The following NAALADL2 variants were observed in gnomAD, a reference collection of about 807,000 sequenced individuals.
The protein encoded by NAALADL2 is inactive N-acetylated-alpha-linked acidic dipeptidase-like protein 2.
NAALADL2 carries 76 observed loss-of-function variants against 87.2 expected under a neutral mutation model. The ratio of observed to expected loss-of-function variants is 0.87; its 90% CI spans 0.72 to 1.05. NAALADL2 has a LOEUF of 1.05. NAALADL2 is among the 50% of genes least tolerant of loss of function. The pLI is 0.00. For missense variants in NAALADL2, 1,089 were observed against 945.8 expected (o/e 1.15, Z -1.99); for synonymous variants, 354 against 331.0 (o/e 1.07, Z -0.75).
rs1475375644 is a variant in NAALADL2, at chr3:175,085,007, AG to A, written c.44-11782del. ...CTCCAAGGGCGCTATACACTGATGG[AG>A]CCTATGGGAAAAGGTCATACTACAA... On this transcript the variant is annotated intron_variant, in intron 1 of 13. Coordinates refer to ENST00000454872, the MANE Select transcript of NAALADL2 (RefSeq NM_207015.3). Among the ~76,000 whole-genome samples, 3 of 152,240 alleles carry A rather than the reference AG, an allele frequency of 2.0e-5. No individual in the cohort carries two copies. In the East Asian group the frequency reaches 5.8e-4, roughly 29 times the overall value.
chr3:175,370,464 A>C (rs2148946411), intron 5 of NAALADL2, among the ~76,000 whole-genome samples: 1 of 151,984 alleles, frequency 6.6e-6, no homozygotes, highest in Middle Eastern at 3.4e-3. Context: ...GTAATGGTTA[A>C]AAAATGACTA....
chr3:174,910,399 A>T (rs1733545848), intron 1 of NAALADL2, among the ~76,000 whole-genome samples: 1 of 152,056 alleles, frequency 6.6e-6, no homozygotes, highest in South Asian at 2.1e-4. Context: ...TTAATAAAAA[A>T]TTTTCCAGTT....
At chr3:174,827,273 A>G (rs1423926209) in intron 3 of NAALADL2, among the ~76,000 whole-genome samples, 1 of 152,210 alleles carries the variant, frequency 6.6e-6, no homozygotes, top group African/African-American at 2.4e-5. Context: ...GGTGGCTTAA[A>G]GCAAAACAAA....
At position 175,332,813 on chromosome 3, in the gene NAALADL2, A is replaced by C. The variant is rs187424237; in HGVS notation, c.1090+8488A>C. Among the ~76,000 whole-genome samples the C allele has an allele frequency of 1.7e-3, 263 of 152,184 alleles. 1 individual carries two copies. Among genetic ancestry groups the C allele is most frequent in the South Asian group, 5.8e-3 (28 of 4,824 alleles). On this transcript the variant is annotated intron_variant, in intron 5 of 13. Coordinates refer to ENST00000454872, the MANE Select transcript of NAALADL2 (RefSeq NM_207015.3). ...TTCTGTCTAGATTATCTGTTTTTTG[A>C]GAGTGAGGTGTTGAAGTCCCCAACT...
At chr3:175,794,743 T>A (rs1026720623) in intron 13 of NAALADL2, among the ~76,000 whole-genome samples, 1 of 152,214 alleles carries the variant, frequency 6.6e-6, no homozygotes, top group Non-Finnish European at 1.5e-5. Context: ...ACAGACACTT[T>A]TATCTATTTC....
At chr3:175,040,027 A>T (rs563940744) in intron 1 of NAALADL2, among the ~76,000 whole-genome samples, 1 of 152,300 alleles carries the variant, frequency 6.6e-6, no homozygotes, top group South Asian at 2.1e-4. Flanking sequence ...GCGCACAGGC[A>T]TATGTGCACA....
intron 13 of NAALADL2, among the ~76,000 whole-genome samples, chr3:175,797,790 T>G (rs918173866): frequency 5.9e-5 from 9 of 152,086 alleles, no homozygotes; most frequent in African/African-American, 2.2e-4. Context: ...AATTAGAAGC[T>G]TCCATAAGAG....
At chr3:174,776,509 C>A (rs899534434) in intron 3 of NAALADL2, among the ~76,000 whole-genome samples, 4 of 152,006 alleles carry the variant, frequency 2.6e-5, no homozygotes, top group Non-Finnish European at 4.4e-5. Context: ...CTGGGTGGTG[C>A]CTGAAACCTT....
At chr3:174,735,534 A>G (rs1480491116) in intron 2 of NAALADL2, among the ~76,000 whole-genome samples, 1 of 151,800 alleles carries the variant, frequency 6.6e-6, no homozygotes, top group African/African-American at 2.4e-5. Flanking sequence ...ACTTCCTTCC[A>G]GTTACGTATT....
At chr3:175,584,188 C>A (rs1275394200) in intron 10 of NAALADL2, among the ~76,000 whole-genome samples, 2 of 152,052 alleles carry the variant, frequency 1.3e-5, no homozygotes, top group Non-Finnish European at 2.9e-5. Flanking sequence ...CAGGCATGCA[C>A]CACCATGCCC....
intron 2 of NAALADL2, among the ~76,000 whole-genome samples, chr3:174,583,476 A>C (rs184146241): frequency 6.6e-6 from 1 of 152,198 alleles, no homozygotes; most frequent in Non-Finnish European, 1.5e-5. Context: ...ACAGTGTCAA[A>C]TTTGCTATTG....
intron 13 of NAALADL2, among the ~76,000 whole-genome samples, chr3:175,795,683 A>C (rs993506060): frequency 1.3e-5 from 2 of 150,970 alleles, no homozygotes; most frequent in African/African-American, 4.9e-5. Flanking sequence ...ACTCTGTCTC[A>C]AAAAATAAAA....
At chr3:175,133,042 A>T (rs1328485038) in intron 2 of NAALADL2, among the ~76,000 whole-genome samples, 6 of 146,242 alleles carry the variant, frequency 4.1e-5, no homozygotes, top group Admixed American at 1.3e-4. Context: ...CCCACATCCC[A>T]GACGGGGCGG....
At chr3:175,079,088 A>G (rs1295148997) in intron 1 of NAALADL2, among the ~76,000 whole-genome samples, 2 of 152,076 alleles carry the variant, frequency 1.3e-5, no homozygotes, top group African/African-American at 4.8e-5. Flanking sequence ...ATCCTTTCCA[A>G]CACTTATCAT....
intron 1 of NAALADL2, among the ~76,000 whole-genome samples, chr3:174,868,307 A>G (rs1009287035): frequency 1.3e-5 from 2 of 152,102 alleles, no homozygotes; most frequent in Non-Finnish European, 2.9e-5. Context: ...GCTGCCTTTG[A>G]TGAATTCTCA....
intron 2 of NAALADL2, among the ~76,000 whole-genome samples, chr3:175,110,088 T>G (rs1325527922): frequency 6.6e-6 from 1 of 151,892 alleles, no homozygotes; most frequent in Non-Finnish European, 1.5e-5. Context: ...TTTCAGTTAT[T>G]GTGTTTTGGG....
chr3:174,557,212 C>T (rs6802430), intron 2 of NAALADL2, among the ~76,000 whole-genome samples: 6,117 of 152,028 alleles, frequency 0.04, 378 homozygotes, highest in African/African-American at 0.13. Context: ...AATAAAAACT[C>T]GATTTTCTTA....
intron 9 of NAALADL2, among the ~76,000 whole-genome samples, chr3:175,483,853 G>A (rs1726863903): frequency 6.6e-6 from 1 of 152,118 alleles, no homozygotes; most frequent in Non-Finnish European, 1.5e-5. Context: ...CTAATATTTA[G>A]TGAGCATGTG....
rs539739191 is a variant in NAALADL2 at position 175,753,523 on chromosome 3, A to G, written c.1991-1697A>G. 6.8e-4 allele frequency among the ~76,000 whole-genome samples: 104 copies of G among 152,286 alleles called. 1 individual carries two copies. Among genetic ancestry groups the G allele is most frequent in the Non-Finnish European group, 1.3e-3 (88 of 68,024 alleles). ...CCATCAAATGAAGGTGAGAATAAAA[A>G]ATTATCATTTTAGAGGTTGGCAATT... On this transcript the variant is annotated intron_variant, in intron 12 of 13. Coordinates refer to ENST00000454872, the MANE Select transcript of NAALADL2 (RefSeq NM_207015.3).
Sources: gnomAD v4.1 joint callset for allele counts (sites outside exome capture counted in the v4.1 genomes callset) on GRCh38, gnomAD v4.1.1 for gene constraint, MANE v1.5 for transcripts, NCBI Gene and HGNC (gene_info 2026-07-23, HGNC 2026-07-21) for gene names.